The following AGBL4 variants were observed in gnomAD, a reference collection of about 807,000 sequenced individuals.
The protein encoded by AGBL4 is AGBL carboxypeptidase 4, also known as cytosolic carboxypeptidase 6.
A neutral mutation model predicts 66.4 loss-of-function variants in AGBL4; 58 were observed. The ratio of observed to expected loss-of-function variants is 0.87; its 90% confidence interval spans 0.71 to 1.09. The LOEUF is 1.09. Ranked by LOEUF, AGBL4 falls within the 50% of genes least tolerant of loss-of-function variation. The pLI, the probability that AGBL4 is intolerant of heterozygous loss-of-function variation, is 0.00. For synonymous variants in AGBL4, 234 were observed against 222.9 expected, an observed-to-expected ratio of 1.05 and a Z score of -0.44; for missense variants, 579 against 631.0, an observed-to-expected ratio of 0.92 and a Z score of 0.88.
intron 3 of AGBL4, among the ~76,000 whole-genome samples, chr1:49,472,528 T>C (rs1049558673): frequency 6.6e-6 from 1 of 152,036 alleles, no homozygotes; most frequent in East Asian, 1.9e-4. Context: ...AACAGTATTG[T>C]GGCTCCTCGA....
intron 3 of AGBL4, among the ~76,000 whole-genome samples, chr1:49,397,969 T>C (rs1384689500): frequency 1.3e-5 from 2 of 152,184 alleles, no homozygotes; most frequent in Non-Finnish European, 2.9e-5. Flanking sequence ...ACAGACAATA[T>C]AAAAAGGCTA....
At chr1:49,398,100 G>A (rs1348970676) in intron 3 of AGBL4, among the ~76,000 whole-genome samples, 1 of 152,182 alleles carries the variant, frequency 6.6e-6, no homozygotes, top group Non-Finnish European at 1.5e-5. Context: ...TCCTGTGATG[G>A]TTAATTATAT....
At chr1:49,117,573 G>A (rs1419268935) in intron 4 of AGBL4, among the ~76,000 whole-genome samples, 1 of 152,088 alleles carries the variant, frequency 6.6e-6, no homozygotes, top group Non-Finnish European at 1.5e-5. Flanking sequence ...TGTTGCATTA[G>A]TCTATATATC....
chr1:49,144,196 A>G (rs1646171446), intron 4 of AGBL4, among the ~76,000 whole-genome samples: 1 of 152,164 alleles, frequency 6.6e-6, no homozygotes, highest in Non-Finnish European at 1.5e-5. Context: ...TCAGAAAAAA[A>G]GTTTGACCAA....
At chr1:49,964,185 G>T (rs1240798873) in intron 1 of AGBL4, among the ~76,000 whole-genome samples, 1 of 152,060 alleles carries the variant, frequency 6.6e-6, no homozygotes, top group African/African-American at 2.4e-5. Flanking sequence ...CCTGTAGATA[G>T]ATATCATCTA....
In AGBL4 at chr1:49,773,047, T is replaced by A. The variant is rs191623675; in HGVS notation, c.158-75610A>T. ...TCATTCTTTTTTAATCATTCTTTTTTATCCTCTCACTATTTCAAAATCACG... is the reference window on the plus strand; with the variant it reads ...TCATTCTTTTTTAATCATTCTTTTTAATCCTCTCACTATTTCAAAATCACG... On this transcript the variant is annotated intron_variant, in intron 2 of 13. Coordinates refer to ENST00000371839, the MANE Select transcript of AGBL4 (RefSeq NM_032785.4). Among the ~76,000 whole-genome samples the A allele has an allele frequency of 2.3e-3, 348 of 152,336 alleles. 3 individuals carry two copies. Among genetic ancestry groups the A allele is most frequent in the African/African-American group, 7.9e-3 (328 of 41,586 alleles).
chr1:49,845,324 C>T, intron 2 of AGBL4: 1 of 1,503,874 alleles, frequency 6.6e-7, no homozygotes. Flanking sequence ...GGCGAGAAAC[C>T]CTATGAGTGC....
intron 3 of AGBL4, among the ~76,000 whole-genome samples, chr1:49,508,021 G>A (rs959911780): frequency 6.6e-6 from 1 of 151,868 alleles, no homozygotes; most frequent in African/African-American, 2.4e-5. Flanking sequence ...ATTATGGGCA[G>A]GTACTGGGGA....
intron 4 of AGBL4, among the ~76,000 whole-genome samples, chr1:49,230,000 C>T (rs1389808284): frequency 6.6e-6 from 1 of 152,122 alleles, no homozygotes; most frequent in Non-Finnish European, 1.5e-5. Flanking sequence ...AAAATTGAGG[C>T]ATAGAGATAT....
chr1:48,864,445 C>T (rs997591852), intron 6 of AGBL4, among the ~76,000 whole-genome samples: 2 of 152,174 alleles, frequency 1.3e-5, no homozygotes, highest in Non-Finnish European at 2.9e-5. Flanking sequence ...TTCTCATACT[C>T]ATACGTAAAG....
intron 6 of AGBL4, among the ~76,000 whole-genome samples, chr1:48,718,019 G>T (rs1220395532): frequency 1.3e-5 from 2 of 152,250 alleles, no homozygotes; most frequent in Non-Finnish European, 2.9e-5. Flanking sequence ...GCTGGGGAAA[G>T]GATGTGGGGA....
chr1:49,510,687 G>A (rs1427999790), intron 3 of AGBL4, among the ~76,000 whole-genome samples: 2 of 151,400 alleles, frequency 1.3e-5, no homozygotes, highest in Admixed American at 1.3e-4. Context: ...GTAATGCCTA[G>A]GTTTTCTTCT....
intron 2 of AGBL4, among the ~76,000 whole-genome samples, chr1:49,744,598 G>A (rs1292711179): frequency 1.3e-5 from 2 of 152,022 alleles, no homozygotes; most frequent in East Asian, 3.9e-4. Context: ...ATAGTAACTT[G>A]AATGCCGAAG....
rs1311938507 is a variant in AGBL4, at chr1:49,288,158, G to T, written c.283-42294C>A. Among the ~76,000 whole-genome samples the T allele has an allele frequency of 1.6e-4, 22 of 137,986 alleles. No individual in the cohort carries two copies. The Admixed American group carries it at 1.7e-3, about 11-fold the overall frequency. The allele number at this position is 137,986 out of a possible 152,430, so 90.5% of individuals were successfully genotyped here. ...ATATTCTCACTCATAGGTGGGAATT[G>T]AACAATGAGATCACATGGACACAGG... On this transcript the variant is annotated intron_variant, in intron 3 of 13. Transcript: ENST00000371839.
chr1:49,150,355 T>G (rs1220014118), intron 4 of AGBL4, among the ~76,000 whole-genome samples: 1 of 152,184 alleles, frequency 6.6e-6, no homozygotes, highest in Non-Finnish European at 1.5e-5. Context: ...CTTTCACAAT[T>G]TGTACACATT....
At chr1:49,639,253 C>T (rs1363321355) in intron 3 of AGBL4, among the ~76,000 whole-genome samples, 2 of 152,080 alleles carry the variant, frequency 1.3e-5, no homozygotes, top group Non-Finnish European at 2.9e-5. Flanking sequence ...CTAACACACA[C>T]CCTGCTATCA....
chr1:48,908,197 C>A (rs1426448375), intron 5 of AGBL4, among the ~76,000 whole-genome samples: 7 of 152,150 alleles, frequency 4.6e-5, no homozygotes, highest in African/African-American at 9.7e-5. Flanking sequence ...CTCCTCCAGG[C>A]CCCAGCTGAC....
At chr1:49,248,434 G>C (rs568960141) in intron 3 of AGBL4, among the ~76,000 whole-genome samples, 6 of 152,106 alleles carry the variant, frequency 3.9e-5, no homozygotes, top group African/African-American at 1.4e-4. Context: ...GGAACTATTT[G>C]TCACCTCTTG....
chr1:49,200,528 C>A (rs771555768), intron 4 of AGBL4, among the ~76,000 whole-genome samples: 16 of 152,148 alleles, frequency 1.1e-4, no homozygotes, highest in Admixed American at 2.0e-4. Flanking sequence ...AGATGCCAAT[C>A]GAAAGCACAG....
Sources: gnomAD v4.1 joint callset for allele counts (sites outside exome capture counted in the v4.1 genomes callset) on GRCh38, gnomAD v4.1.1 for gene constraint, MANE v1.5 for transcripts, NCBI Gene and HGNC (gene_info 2026-07-23, HGNC 2026-07-21) for gene names.